Variants in CDK5RAP2 observed in about 807,000 individuals in gnomAD.
CDK5RAP2 encodes CDK5 regulatory subunit associated protein 2.
Under a neutral mutation model 232.9 loss-of-function variants are expected in CDK5RAP2, and 147 were observed. That is an observed-to-expected ratio of 0.63 (90% CI 0.55 to 0.72). CDK5RAP2 has a LOEUF of 0.72. CDK5RAP2 is among the 30% of genes least tolerant of loss of function. CDK5RAP2 has a pLI of 0.00. For missense variants in CDK5RAP2, 2,195 were observed against 2,231.5 expected, an observed-to-expected ratio of 0.98 and a Z score of 0.33; for synonymous variants, 833 against 833.7, an observed-to-expected ratio of 1.00 and a Z score of 0.01.
chr9:120,550,261 A>C (rs2041998751), intron 4 of CDK5RAP2, among the ~76,000 whole-genome samples: 1 of 152,226 alleles, frequency 6.6e-6, no homozygotes, highest in Non-Finnish European at 1.5e-5. Context: ...TCACAGAAAA[A>C]CTGACAATCC....
chr9:120,481,711 C>T (rs1588449759), intron 14 of CDK5RAP2, among the ~76,000 whole-genome samples: 1 of 152,106 alleles, frequency 6.6e-6, no homozygotes, highest in East Asian at 1.9e-4. Context: ...CGGGGTTTCA[C>T]CGTGTTGCCC....
At chr9:120,418,560 A>T (rs2034374824) in intron 27 of CDK5RAP2, among the ~76,000 whole-genome samples, 5 of 152,230 alleles carry the variant, frequency 3.3e-5, no homozygotes, top group Admixed American at 3.3e-4. Context: ...ATACAGAAGA[A>T]GTGGCACTAG....
intron 22 of CDK5RAP2, among the ~76,000 whole-genome samples, chr9:120,447,045 C>T (rs2131369254): frequency 6.6e-6 from 1 of 152,332 alleles, no homozygotes; most frequent in African/African-American, 2.4e-5. Context: ...GGTCACTCCT[C>T]TCTCCTCAGT....
chr9:120,487,326 G>A lies in CDK5RAP2; in HGVS notation c.1594C>T (p.Gln532Ter). 6.2e-7 allele frequency: 1 copy of A among 1,614,110 alleles called. No homozygotes were observed. The highest frequency in any genetic ancestry group is 8.5e-7 in the Non-Finnish European group (1 of 1,180,012). ...GLITEKCSSQQPPGSKTIFSK... is the reference protein window; with the variant it reads ...GLITEKCSSQ Reference sequence around the variant, plus strand: ...AAGATGGTTTTGCTGCCTGGTGGCTGTTGAGAAGAGCACTTTTCTGTTATT... The same window carrying A: ...AAGATGGTTTTGCTGCCTGGTGGCTATTGAGAAGAGCACTTTTCTGTTATT... The change falls in exon 14 of 38, where the codon CAG (glutamine) becomes TAG (stop). Residue 532 changes from glutamine (Q) to a stop codon, truncating the protein, a stop_gained. Coordinates refer to ENST00000349780, the MANE Select transcript of CDK5RAP2 (RefSeq NM_018249.6). LOFTEE classifies it high-confidence loss of function.
chr9:120,569,117 A>G (rs2042754572), intron 2 of CDK5RAP2, among the ~76,000 whole-genome samples: 1 of 152,194 alleles, frequency 6.6e-6, no homozygotes. Context: ...TTCCCTATCG[A>G]GTGAGCAGGA....
intron 22 of CDK5RAP2, among the ~76,000 whole-genome samples, chr9:120,447,074 C>T (rs1012374085): frequency 3.3e-5 from 5 of 152,298 alleles, no homozygotes; most frequent in Admixed American, 2.6e-4. Context: ...TAGTGCTTGG[C>T]ACACAGAAGA....
chr9:120,461,695 C>A (rs936696581), intron 18 of CDK5RAP2, among the ~76,000 whole-genome samples: 2 of 152,004 alleles, frequency 1.3e-5, no homozygotes, highest in African/African-American at 4.8e-5. Flanking sequence ...CACAAAAATT[C>A]GCCGGGTGTG....
At chr9:120,463,303 G>A (rs566268892) in intron 18 of CDK5RAP2, among the ~76,000 whole-genome samples, 21 of 152,250 alleles carry the variant, frequency 1.4e-4, no homozygotes, top group East Asian at 1.9e-4. Context: ...CCCGGGAGGC[G>A]GAGCTTGCAG....
intron 4 of CDK5RAP2, among the ~76,000 whole-genome samples, chr9:120,548,420 A>G (rs767219999): frequency 6.6e-6 from 1 of 152,370 alleles, no homozygotes; most frequent in South Asian, 2.1e-4. Context: ...CTCAAGCCCA[A>G]TATCTCAAGT....
intron 3 of CDK5RAP2, among the ~76,000 whole-genome samples, chr9:120,558,133 G>C (rs2042308621): frequency 6.9e-6 from 1 of 145,962 alleles, no homozygotes; most frequent in African/African-American, 2.5e-5. Context: ...CCAGCACTTT[G>C]GGAGGCCGAG....
chr9:120,544,905 G>A (rs531485990), intron 5 of CDK5RAP2, among the ~76,000 whole-genome samples: 6 of 152,170 alleles, frequency 3.9e-5, no homozygotes, highest in Non-Finnish European at 7.4e-5. Context: ...TCAGATCTTC[G>A]GGCAGATGTT....
At chr9:120,466,418 T>C (rs187873655) in intron 18 of CDK5RAP2, among the ~76,000 whole-genome samples, 3 of 152,300 alleles carry the variant, frequency 2.0e-5, no homozygotes, top group Admixed American at 6.5e-5. Context: ...AGGCTATTCA[T>C]GGGGAACATC....
intron 22 of CDK5RAP2, among the ~76,000 whole-genome samples, chr9:120,445,169 G>A (rs1185835128): frequency 3.3e-5 from 5 of 152,096 alleles, no homozygotes; most frequent in African/African-American, 1.2e-4. Flanking sequence ...TGCTTCTCCC[G>A]CAGCCTTCAA....
At chr9:120,463,298 G>A (rs1054177504) in intron 18 of CDK5RAP2, among the ~76,000 whole-genome samples, 23 of 152,208 alleles carry the variant, frequency 1.5e-4, no homozygotes, top group Admixed American at 1.2e-3. Flanking sequence ...ATGAACCCGG[G>A]AGGCGGAGCT....
intron 25 of CDK5RAP2, among the ~76,000 whole-genome samples, chr9:120,430,090 C>T (rs977678695): frequency 1.2e-4 from 18 of 152,260 alleles, no homozygotes; most frequent in Admixed American, 6.5e-4. Flanking sequence ...CCCTTCCTTA[C>T]ACCTTATACA....
intron 28 of CDK5RAP2, among the ~76,000 whole-genome samples, chr9:120,414,708 CTG>C (rs1408007224): frequency 6.6e-6 from 1 of 152,184 alleles, no homozygotes; most frequent in African/African-American, 2.4e-5. Context: ...TCGGAGCTAA[CTG>C]TGTTTATGCA....
chr9:120,424,497 G>A (rs1017164556), intron 25 of CDK5RAP2, among the ~76,000 whole-genome samples: 3 of 152,134 alleles, frequency 2.0e-5, no homozygotes, highest in African/African-American at 4.8e-5. Context: ...GGACAACTGT[G>A]TGTTAAAAGA....
At chr9:120,560,748 C>G (rs2042434344) in intron 3 of CDK5RAP2, among the ~76,000 whole-genome samples, 1 of 152,138 alleles carries the variant, frequency 6.6e-6, no homozygotes, top group Non-Finnish European at 1.5e-5. Context: ...TCCCAAGTAG[C>G]TGGGATTACA....
chr9:120,474,410 G>C (rs996812515), intron 15 of CDK5RAP2, among the ~76,000 whole-genome samples: 1 of 152,160 alleles, frequency 6.6e-6, no homozygotes, highest in African/African-American at 2.4e-5. Flanking sequence ...GGGAGGATCA[G>C]GTGTGCCGAC....
Sources: gnomAD v4.1 joint callset for allele counts (sites outside exome capture counted in the v4.1 genomes callset) on GRCh38, gnomAD v4.1.1 for gene constraint, MANE v1.5 for transcripts, NCBI Gene and HGNC (gene_info 2026-07-23, HGNC 2026-07-21) for gene names.